The following DZANK1 variants were observed in gnomAD, a reference collection of about 807,000 sequenced individuals.
DZANK1 encodes the protein double zinc ribbon and ankyrin repeat-containing protein 1.
In DZANK1, 91 loss-of-function variants were observed where a neutral mutation model predicts 94.5. That is an observed-to-expected ratio of 0.96 (90% CI 0.81 to 1.15). The LOEUF (loss-of-function observed/expected upper bound fraction) is 1.15. Among genes scored for constraint, DZANK1 ranks in the 50% most tolerant of loss-of-function variants. The pLI is 0.00. For missense variants in DZANK1, 903 were observed against 916.4 expected, an observed-to-expected ratio of 0.99 and a Z score of 0.19; for synonymous variants, 312 against 325.3, an observed-to-expected ratio of 0.96 and a Z score of 0.44.
intron 12 of DZANK1, among the ~76,000 whole-genome samples, chr20:18,413,545 G>T (rs1404127266): frequency 2.0e-5 from 3 of 152,018 alleles, no homozygotes; most frequent in Non-Finnish European, 4.4e-5. Context: ...ACTTTGGGAG[G>T]CCACGGTGGG....
At position 18,417,648 on chromosome 20, in the gene DZANK1, GTT is replaced by G. The variant is rs200827476; in HGVS notation, c.955-2201_955-2200del. Reference sequence around the variant, plus strand: ...ATGAAATTCAACACCTCATTAGTTTGTTTTTAGTCTCAGTTCTGAAAAAGAAA... The same window carrying G: ...ATGAAATTCAACACCTCATTAGTTTGTTTAGTCTCAGTTCTGAAAAAGAAA... On this transcript the variant is annotated intron_variant, in intron 10 of 20. Coordinates refer to ENST00000262547, the Ensembl canonical transcript of DZANK1. Among the ~76,000 whole-genome samples, 362 of 152,182 alleles carry G rather than the reference GTT, an allele frequency of 2.4e-3. 5 individuals carry two copies. Among genetic ancestry groups the G allele is most frequent in the Admixed American group, 0.02 (305 of 15,290 alleles).
rs774941024 is a variant in DZANK1 at position 18,441,998 on chromosome 20, ACT to A, written c.747+1347_747+1348del. ...CACACCTCTGCATCTCTTTACTGAGACTCTCTGAGTCGTGGGTCTAAGTAGGA... is the reference window on the plus strand; with the variant it reads ...CACACCTCTGCATCTCTTTACTGAGACTCTGAGTCGTGGGTCTAAGTAGGA... On this transcript the variant is annotated intron_variant, in intron 8 of 20. Coordinates refer to ENST00000262547, the Ensembl canonical transcript of DZANK1. This position sits in a 1 kb window ranked among gnomAD's most constrained non-coding sequence, Gnocchi z 4.1. Among the ~76,000 whole-genome samples, 12 of 152,028 alleles carry A rather than the reference ACT, an allele frequency of 7.9e-5. No individual in the cohort carries two copies. Among genetic ancestry groups the A allele is most frequent in the Non-Finnish European group, 1.2e-4 (8 of 68,030 alleles).
At chr20:18,457,155 G>T (rs6035046) in intron 3 of DZANK1, among the ~76,000 whole-genome samples, 22,002 of 152,046 alleles carry the variant, frequency 0.14, 1,777 homozygotes, top group African/African-American at 0.19. Context: ...TATAGGCTTG[G>T]TCGTTGTAAC....
intron 17 of DZANK1, among the ~76,000 whole-genome samples, chr20:18,391,623 T>G (rs2055992324): frequency 6.6e-6 from 1 of 152,232 alleles, no homozygotes; most frequent in African/African-American, 2.4e-5. Context: ...GGAAGCTGTT[T>G]AGAAAGCAAG....
At chr20:18,408,823 TC>T (rs1302072340) in intron 13 of DZANK1, among the ~76,000 whole-genome samples, 1 of 152,092 alleles carries the variant, frequency 6.6e-6, no homozygotes, top group East Asian at 1.9e-4. Flanking sequence ...TATCCGAAGG[TC>T]CAAAATTCAT....
intron 2 of DZANK1, among the ~76,000 whole-genome samples, chr20:18,461,915 G>A (rs2059486712): frequency 6.6e-6 from 1 of 151,848 alleles, no homozygotes. Context: ...TTGTAATCTT[G>A]ATTAATATTT....
intron 6 of DZANK1, among the ~76,000 whole-genome samples, chr20:18,450,616 C>G (rs958713947): frequency 1.3e-5 from 2 of 152,258 alleles, no homozygotes; most frequent in Non-Finnish European, 2.9e-5. Flanking sequence ...ACTGAGCCTT[C>G]AGTCCCTGGG....
exon 5 of DZANK1, chr20:18,453,764 G>T: frequency 6.2e-7 from 1 of 1,612,782 alleles, no homozygotes; most frequent in Middle Eastern, 1.7e-4. Context: ...TTCCAGCTGC[G>T]TTGATTTTCA....
chr20:18,431,544 G>A (rs1265388914), intron 9 of DZANK1, among the ~76,000 whole-genome samples: 3 of 152,216 alleles, frequency 2.0e-5, no homozygotes, highest in Non-Finnish European at 4.4e-5. Context: ...TGACATCTGG[G>A]AGAGGCACTG....
intron 3 of DZANK1, among the ~76,000 whole-genome samples, chr20:18,458,373 G>A (rs1455385348): frequency 6.6e-6 from 1 of 152,154 alleles, no homozygotes; most frequent in African/African-American, 2.4e-5. Context: ...CAGTGAACAT[G>A]CAAGTGTCTT....
chr20:18,398,212 T>C (rs1044775319), intron 14 of DZANK1: 1 of 353,208 alleles, frequency 2.8e-6, no homozygotes. Flanking sequence ...AAGTGCACGA[T>C]CTGGATGGAT....
intron 13 of DZANK1, among the ~76,000 whole-genome samples, chr20:18,406,786 T>C (rs1249023924): frequency 1.3e-5 from 2 of 152,212 alleles, no homozygotes; most frequent in African/African-American, 4.8e-5. Flanking sequence ...ACAGGATTTC[T>C]GGATCTGCTC....
chr20:18,392,383 A>G (rs1388567735), intron 17 of DZANK1, among the ~76,000 whole-genome samples: 1 of 152,230 alleles, frequency 6.6e-6, no homozygotes, highest in Non-Finnish European at 1.5e-5. Context: ...AAGATAAAGA[A>G]CAGAGTCCCT....
intron 8 of DZANK1, among the ~76,000 whole-genome samples, chr20:18,436,368 C>T (rs1296397928): frequency 1.5e-4 from 22 of 147,128 alleles, no homozygotes; most frequent in African/African-American, 5.5e-4. Context: ...GGCGTGAACC[C>T]GGGAGGCGGA....
chr20:18,385,045 T>G, exon 20 of DZANK1: 1 of 1,553,236 alleles, frequency 6.4e-7, no homozygotes, highest in Non-Finnish European at 8.7e-7. Context: ...TCTCTCTTCC[T>G]GCAAGGCCAA....
chr20:18,415,906 T>C (rs985549420), intron 10 of DZANK1, among the ~76,000 whole-genome samples: 2 of 152,206 alleles, frequency 1.3e-5, no homozygotes, highest in Non-Finnish European at 2.9e-5. Flanking sequence ...TTATTTTATA[T>C]TGGGGACAGA....
chr20:18,461,893 C>A (rs577381530), intron 2 of DZANK1, among the ~76,000 whole-genome samples: 1 of 152,272 alleles, frequency 6.6e-6, no homozygotes, highest in South Asian at 2.1e-4. Context: ...AGCCACCATG[C>A]CCTGCCAGCA....
At chr20:18,386,042 T>C (rs995099163) in intron 19 of DZANK1, among the ~76,000 whole-genome samples, 2 of 151,968 alleles carry the variant, frequency 1.3e-5, no homozygotes, top group African/African-American at 4.8e-5. Context: ...TAGAAATGAA[T>C]AGGCATTGAC....
At chr20:18,428,999 G>A (rs995776466) in intron 9 of DZANK1, among the ~76,000 whole-genome samples, 1 of 152,168 alleles carries the variant, frequency 6.6e-6, no homozygotes, top group African/African-American at 2.4e-5. Flanking sequence ...TGCTCTCAAT[G>A]GTTCCTGACA....
Sources: gnomAD v4.1 joint callset for allele counts (sites outside exome capture counted in the v4.1 genomes callset) on GRCh38, gnomAD v4.1.1 for gene constraint, Gnocchi (gnomAD v3.1) non-coding constraint, MANE v1.5 for transcripts, NCBI Gene and HGNC (gene_info 2026-07-23, HGNC 2026-07-21) for gene names.